The following RALGAPA1 variants were observed in gnomAD, a reference collection of about 807,000 sequenced individuals.
RALGAPA1 encodes the protein Ral GTPase activating protein catalytic subunit alpha 1.
A neutral mutation model predicts 269.6 loss-of-function variants in RALGAPA1; 52 were observed. The observed-to-expected ratio is 0.19, with a 90% CI of 0.15 to 0.24. The LOEUF is 0.24. Ranked by LOEUF, RALGAPA1 falls within the 10% of genes least tolerant of loss-of-function variation. The probability of loss-of-function intolerance (pLI) is 1.00; values close to 1 mark genes in which losing one functional copy is unlikely to be tolerated. For synonymous variants in RALGAPA1, 817 were observed against 1,008.3 expected, an observed-to-expected ratio of 0.81 and a Z score of 3.60; for missense variants, 1,917 against 3,013.9, an observed-to-expected ratio of 0.64 and a Z score of 8.52.
chr14:35,744,027 GTGTT>G (rs1217447854), intron 10 of RALGAPA1, among the ~76,000 whole-genome samples: 1 of 152,152 alleles, frequency 6.6e-6, no homozygotes, highest in Non-Finnish European at 1.5e-5. Flanking sequence ...TTCCTTGTGT[GTGTT>G]TGTGTTTATG....
chr14:35,613,896 CA>C (rs1393953199), intron 35 of RALGAPA1, among the ~76,000 whole-genome samples: 1 of 151,960 alleles, frequency 6.6e-6, no homozygotes, highest in African/African-American at 2.4e-5. Context: ...TATATATAGT[CA>C]ATTATCATAG....
intron 41 of RALGAPA1, among the ~76,000 whole-genome samples, chr14:35,544,431 A>T (rs2054277967): frequency 6.6e-6 from 1 of 152,204 alleles, no homozygotes; most frequent in East Asian, 1.9e-4. Flanking sequence ...ACAAAGTACC[A>T]GGTGACTCTG....
intron 28 of RALGAPA1, among the ~76,000 whole-genome samples, chr14:35,657,119 C>G (rs1724290479): frequency 6.6e-6 from 1 of 152,138 alleles, no homozygotes; most frequent in African/African-American, 2.4e-5. Flanking sequence ...CTAGATTATT[C>G]CCAGCATATA....
intron 26 of RALGAPA1, among the ~76,000 whole-genome samples, chr14:35,665,604 C>G (rs564089607): frequency 9.2e-5 from 14 of 152,166 alleles, no homozygotes; most frequent in African/African-American, 3.4e-4. Flanking sequence ...GTGTAATACT[C>G]TATTATATGA....
intron 19 of RALGAPA1, among the ~76,000 whole-genome samples, chr14:35,686,215 G>A (rs1373089369): frequency 6.6e-6 from 1 of 151,596 alleles, no homozygotes; most frequent in Admixed American, 6.6e-5. Context: ...CCCATTGAGG[G>A]CTTGCAGCTG....
intron 16 of RALGAPA1, among the ~76,000 whole-genome samples, chr14:35,705,862 T>C (rs1360685450): frequency 6.6e-6 from 1 of 152,196 alleles, no homozygotes; most frequent in African/African-American, 2.4e-5. Flanking sequence ...AGGTGTGTAG[T>C]GGTATCTTGT....
chr14:35,716,906 G>A (rs758086773), intron 16 of RALGAPA1, among the ~76,000 whole-genome samples: 9 of 152,058 alleles, frequency 5.9e-5, no homozygotes, highest in African/African-American at 1.9e-4. Context: ...CATTGTAAAG[G>A]TATATTTACC....
intron 41 of RALGAPA1, chr14:35,542,076 T>C: frequency 3.8e-6 from 4 of 1,065,760 alleles, no homozygotes; most frequent in Non-Finnish European, 5.1e-6. Flanking sequence ...AGAAAAAAGG[T>C]CTATGAGAGA....
intron 31 of RALGAPA1, among the ~76,000 whole-genome samples, chr14:35,643,346 A>C (rs1034888691): frequency 2.0e-5 from 3 of 152,124 alleles, no homozygotes; most frequent in Non-Finnish European, 4.4e-5. Context: ...ATAATAAAAT[A>C]AATAAAATAA....
intron 13 of RALGAPA1, among the ~76,000 whole-genome samples, chr14:35,727,279 A>G (rs934538280): frequency 6.9e-6 from 1 of 145,464 alleles, no homozygotes; most frequent in African/African-American, 2.5e-5. Flanking sequence ...CTACATGTCC[A>G]TCAGTACAGG....
chr14:35,756,207 A>G (rs1309364644), intron 7 of RALGAPA1: 1 of 152,212 alleles, frequency 6.6e-6, no homozygotes, highest in Admixed American at 6.5e-5. Context: ...AGTCTACAAA[A>G]TTGTCCCTCT....
intron 36 of RALGAPA1, among the ~76,000 whole-genome samples, chr14:35,602,500 T>C (rs1374485903): frequency 3.7e-4 from 56 of 152,232 alleles, no homozygotes; most frequent in Admixed American, 6.5e-5. Flanking sequence ...TTTCTGATTA[T>C]AGTTATCTTA....
chr14:35,684,983 C>G lies in RALGAPA1; in HGVS notation c.4240G>C (p.Asp1414His). Reference protein sequence around the residue: ...SAGSSDLISSDSHSDSFSAFQ... With the variant: ...SAGSSDLISSHSHSDSFSAFQ... ...GCGCTGAAAGAATCCGAATGACTAT[C>G]TGAGCTGATAAGATCACTGCTCCCT... Residue 1414 changes from aspartate to histidine, a missense_variant, in exon 20 of 42, where the codon GAT becomes CAT. Transcript: ENST00000680220. 1 of 1,613,680 alleles carries G rather than the reference C, an allele frequency of 6.2e-7. No individual in the cohort carries two copies. The highest frequency in any genetic ancestry group is 8.5e-7 in the Non-Finnish European group (1 of 1,179,938).
intron 39 of RALGAPA1, among the ~76,000 whole-genome samples, chr14:35,558,500 C>T (rs2055848458): frequency 6.6e-6 from 1 of 152,068 alleles, no homozygotes; most frequent in Admixed American, 6.5e-5. Context: ...GACTTTTGCT[C>T]TGCAATAATC....
chr14:35,756,720 T>C, intron 7 of RALGAPA1, 73 bp downstream of exon 7: 1 of 1,066,680 alleles, frequency 9.4e-7, no homozygotes, highest in Non-Finnish European at 1.4e-6. Context: ...GACAGAATAA[T>C]GGTAAGAGAC....
At chr14:35,794,493 G>A (rs947063130) in intron 1 of RALGAPA1, among the ~76,000 whole-genome samples, 1 of 151,936 alleles carries the variant, frequency 6.6e-6, no homozygotes, top group Admixed American at 6.6e-5. Flanking sequence ...GTCTCCCTCC[G>A]TTGCCCAGGC....
Position 35,539,290 on chromosome 14 carries a change from G to C in RALGAPA1, c.*424C>G, listed in dbSNP as rs2053757335. On this transcript the variant is annotated 3_prime_UTR_variant, in exon 42 of 42. Coordinates refer to ENST00000680220, the MANE Select transcript of RALGAPA1 (RefSeq NM_001346249.2). ...GACATAATTATCTAGGAAGGTAAAGGGTGTAGAATAAAACTCCCCCTGCCC... is the reference window on the plus strand; with the variant it reads ...GACATAATTATCTAGGAAGGTAAAGCGTGTAGAATAAAACTCCCCCTGCCC... The C allele has an allele frequency of 3.8e-6, 1 of 264,870 alleles. No individual in the cohort carries two copies. The highest frequency in any genetic ancestry group is 7.0e-6 in the Non-Finnish European group (1 of 143,706). 16.4% of individuals were successfully genotyped at this position (264,870 alleles called of 1,614,324 possible). A position where few individuals can be genotyped will look rare whatever the true frequency, so the allele number is the denominator to read the frequency against.
At chr14:35,561,997 TA>T (rs2056298815) in intron 39 of RALGAPA1, among the ~76,000 whole-genome samples, 1 of 152,220 alleles carries the variant, frequency 6.6e-6, no homozygotes, top group Non-Finnish European at 1.5e-5. Context: ...TAAGACATTT[TA>T]TTTGAAGAAT....
At chr14:35,591,288 CTATGTATGTATGTATGTATG>C (rs371005322) in intron 37 of RALGAPA1, among the ~76,000 whole-genome samples, 1 of 149,940 alleles carries the variant, frequency 6.7e-6, no homozygotes, top group African/African-American at 2.5e-5. Context: ...ATTTTAAGTG[CTATGTATGTATGTATGTATG>C]TATGTATGTA....
Sources: gnomAD v4.1 joint callset for allele counts (sites outside exome capture counted in the v4.1 genomes callset) on GRCh38, gnomAD v4.1.1 for gene constraint, MANE v1.5 for transcripts, NCBI Gene and HGNC (gene_info 2026-07-23, HGNC 2026-07-21) for gene names.